Variants in ZNF37A observed in about 807,000 individuals in gnomAD.
The protein encoded by ZNF37A is zinc finger protein 37a (KOX 21).
Under a neutral mutation model 12.3 loss-of-function variants are expected in ZNF37A, and 10 were observed. The ratio of observed to expected loss-of-function variants is 0.82; its 90% CI spans 0.50 to 1.38. The LOEUF (loss-of-function observed/expected upper bound fraction) is 1.38. Ranked by LOEUF, ZNF37A falls within the 40% of genes most tolerant of loss-of-function variation. The pLI is 0.00. For synonymous variants in ZNF37A, 207 were observed against 223.0 expected, an observed-to-expected ratio of 0.93 and a Z score of 0.64; for missense variants, 580 against 651.2, an observed-to-expected ratio of 0.89 and a Z score of 1.19.
rs1425274171 is a variant in ZNF37A at position 38,122,913 on chromosome 10, C to T, written c.*4076C>T. On this transcript the variant is annotated 3_prime_UTR_variant, in exon 8 of 8. Coordinates refer to ENST00000685332, the MANE Select transcript of ZNF37A (RefSeq NM_001324250.3). ...TAGAATGTGAGATAATATTTGCAAA[C>T]TATCCATCTGTATTAGGCCATTTTT... 6.6e-6 allele frequency: 1 copy of T among 152,182 alleles called. No individual in the cohort carries two copies. Among genetic ancestry groups the T allele is most frequent in the African/African-American group, 2.4e-5 (1 of 41,444 alleles). The allele number at this position is 152,182 out of a possible 1,614,324, so 9.4% of individuals were successfully genotyped here.
chr10:38,140,778 A>G (rs1306666433), intron 7 of ZNF37A: 1 of 152,240 alleles, frequency 6.6e-6, no homozygotes, highest in African/African-American at 2.4e-5. Context: ...GGACTGGGGC[A>G]GTGAAAACAT....
chr10:38,126,325 T>A (rs1402481770), downstream of ZNF37A, among the ~76,000 whole-genome samples: 1 of 152,084 alleles, frequency 6.6e-6, no homozygotes, highest in Non-Finnish European at 1.5e-5. Context: ...TTCCCACAGG[T>A]GGTTACAATG....
chr10:38,108,142 A>G (rs915912365), intron 5 of ZNF37A, among the ~76,000 whole-genome samples: 2 of 151,908 alleles, frequency 1.3e-5, no homozygotes, highest in African/African-American at 4.8e-5. Flanking sequence ...AACGGAAATC[A>G]TAACAGTCTC....
exon 8 of ZNF37A, chr10:38,149,350 G>GTAAT (rs1405687561): frequency 6.6e-6 from 1 of 152,150 alleles, no homozygotes; most frequent in Admixed American, 6.6e-5. Flanking sequence ...TGTGCCCTAT[G>GTAAT]TAATGCAGAA....
intron 5 of ZNF37A, among the ~76,000 whole-genome samples, chr10:38,112,702 G>C (rs2068794859): frequency 9.9e-6 from 1 of 101,424 alleles, no homozygotes; most frequent in African/African-American, 3.8e-5. Flanking sequence ...TATATATTTA[G>C]ATTTGTACAA....
chr10:38,145,194 C>T (rs1270215668), intron 7 of ZNF37A, among the ~76,000 whole-genome samples: 3 of 141,980 alleles, frequency 2.1e-5, no homozygotes, highest in African/African-American at 7.9e-5. Flanking sequence ...ACAAAATGAA[C>T]AACAATAAAA....
At position 38,123,061 on chromosome 10, in the gene ZNF37A, T is replaced by A. The variant is rs2136062256; in HGVS notation, c.*4224T>A. The A allele has an allele frequency of 6.6e-6, 1 of 152,252 alleles. No individual in the cohort carries two copies. Among genetic ancestry groups the A allele is most frequent in the East Asian group, 1.9e-4 (1 of 5,182 alleles). The allele number at this position is 152,252 out of a possible 1,614,324, so 9.4% of individuals were successfully genotyped here. On this transcript the variant is annotated 3_prime_UTR_variant, in exon 8 of 8. Coordinates refer to ENST00000685332, the MANE Select transcript of ZNF37A (RefSeq NM_001324250.3). Reference sequence around the variant, plus strand: ...CATCTGATCAGCTTGTAGGGAGGCATCAGGAAGTTTCCAACCATGGTGGAA... The same window carrying A: ...CATCTGATCAGCTTGTAGGGAGGCAACAGGAAGTTTCCAACCATGGTGGAA...
chr10:38,107,715 A>T (rs1030701644), intron 5 of ZNF37A, among the ~76,000 whole-genome samples: 2 of 152,236 alleles, frequency 1.3e-5, no homozygotes, highest in African/African-American at 4.8e-5. Flanking sequence ...TTAGTCACTG[A>T]TAAAACAGAC....
At chr10:38,105,770 A>G (rs1405788106) in intron 5 of ZNF37A, among the ~76,000 whole-genome samples, 3 of 152,198 alleles carry the variant, frequency 2.0e-5, no homozygotes, top group Non-Finnish European at 4.4e-5. Context: ...CATAAATGGA[A>G]TTATTTTCTG....
chr10:38,129,803 T>C (rs2136074782), downstream of ZNF37A, among the ~76,000 whole-genome samples: 1 of 152,272 alleles, frequency 6.6e-6, no homozygotes, highest in Admixed American at 6.5e-5. Flanking sequence ...TAGTTTTGGG[T>C]TTTGTTTGTT....
chr10:38,106,333 A>G (rs2068086523), intron 5 of ZNF37A, among the ~76,000 whole-genome samples: 1 of 152,204 alleles, frequency 6.6e-6, no homozygotes, highest in Non-Finnish European at 1.5e-5. Flanking sequence ...CAGAAACCCC[A>G]TCTGAAGGTC....
Position 38,111,895 on chromosome 10 carries a change from C to T in ZNF37A, c.16-2860C>T, listed in dbSNP as rs2068692361. ...TATCAGTCCAGTGCCTTCTAACCTC[C>T]AAGGTTTCTGCTGATGATCTTTTTT... On this transcript the variant is annotated intron_variant, in intron 5 of 7. Coordinates refer to ENST00000685332, the MANE Select transcript of ZNF37A (RefSeq NM_001324250.3). 2.6e-5 allele frequency among the ~76,000 whole-genome samples: 4 copies of T among 151,072 alleles called. 1 individual carries two copies. The South Asian group carries it at 8.3e-4, about 31-fold the overall frequency.
Position 38,121,528 on chromosome 10 carries a change from G to C in ZNF37A, c.*2691G>C, listed in dbSNP as rs1478293547. The C allele has an allele frequency of 6.6e-6, 1 of 152,412 alleles. No individual in the cohort carries two copies. Among genetic ancestry groups the C allele is most frequent in the Non-Finnish European group, 1.5e-5 (1 of 68,104 alleles). 9.4% of individuals were successfully genotyped at this position (152,412 alleles called of 1,614,324 possible). ...CTGGCACCAAGAGGGCTGAGGGTGA[G>C]GTGTGGAAGGGACAGGGGGAGGAGA... On this transcript the variant is annotated 3_prime_UTR_variant, in exon 8 of 8. Coordinates refer to ENST00000685332, the MANE Select transcript of ZNF37A (RefSeq NM_001324250.3).
intron 7 of ZNF37A, chr10:38,139,891 C>T (rs1036140607): frequency 1.3e-5 from 2 of 152,122 alleles, no homozygotes; most frequent in African/African-American, 4.8e-5. Flanking sequence ...GGGAGTTATA[C>T]TTGAATTTCA....
chr10:38,132,716 C>A (rs2070046403), intron 7 of ZNF37A, among the ~76,000 whole-genome samples: 1 of 151,998 alleles, frequency 6.6e-6, no homozygotes, highest in Admixed American at 6.6e-5. Flanking sequence ...GTATATCAAA[C>A]TCATTTTCAA....
chr10:38,101,587 C>CT (rs35103940), intron 5 of ZNF37A, among the ~76,000 whole-genome samples: 59,743 of 144,386 alleles, frequency 0.41, 12,184 homozygotes, highest in East Asian at 0.5. Context: ...GTAGACTGAC[C>CT]TTTTTTTTTT....
rs1421047237 is a variant in ZNF37A, at chr10:38,118,187, C to T, written c.1036C>T (p.Gln346Ter). 6.2e-7 allele frequency: 1 copy of T among 1,614,028 alleles called. No homozygotes were observed. The highest frequency in any genetic ancestry group is 1.7e-5 in the Admixed American group (1 of 59,980). ...FSEKSTLTQH[Q>*]RTHTGEKPYE... ...TGAAAAGTCAACCCTTACTCAACAT[C>T]AAAGAACGCACACAGGGGAGAAACC... is the stretch of plus-strand genomic sequence containing the variant. The change falls in exon 8 of 8, where the codon CAA (glutamine) becomes TAA (stop). Residue 346 changes from glutamine (Q) to a stop codon, truncating the protein, a stop_gained. Coordinates refer to ENST00000685332, the MANE Select transcript of ZNF37A (RefSeq NM_001324250.3). LOFTEE classifies it low-confidence loss of function (END_TRUNC).
At chr10:38,147,770 A>C (rs768296289) in exon 8 of ZNF37A, 5 of 152,218 alleles carry the variant, frequency 3.3e-5, no homozygotes, top group Non-Finnish European at 7.3e-5. Context: ...AAGAGAAAAA[A>C]AGAAAATAAA....
At chr10:38,109,645 C>T (rs1564927293) in intron 5 of ZNF37A, among the ~76,000 whole-genome samples, 1 of 152,148 alleles carries the variant, frequency 6.6e-6, no homozygotes, top group Non-Finnish European at 1.5e-5. Flanking sequence ...TCAGGAAAGC[C>T]TCAGGATACA....
Sources: allele counts gnomAD v4.1 joint callset (sites outside exome capture counted in the v4.1 genomes callset), GRCh38; gene constraint gnomAD v4.1.1; transcripts MANE v1.5; gene names NCBI Gene and HGNC (gene_info 2026-07-23, HGNC 2026-07-21).